The following YWHAQ variants were observed in gnomAD, a reference collection of about 807,000 sequenced individuals.
The protein encoded by YWHAQ is 14-3-3 protein theta.
Under a neutral mutation model 28.3 loss-of-function variants are expected in YWHAQ, and 6 were observed. The ratio of observed to expected loss-of-function variants is 0.21; its 90% CI spans 0.12 to 0.42. The LOEUF is 0.42. Ranked by LOEUF, YWHAQ falls within the 10% of genes least tolerant of loss-of-function variation. YWHAQ has a pLI of 1.00. For synonymous variants in YWHAQ, 143 were observed against 119.1 expected (o/e 1.20, Z -1.31); for missense variants, 201 against 305.6 (o/e 0.66, Z 2.55).
rs1027292482 is a variant in YWHAQ, at chr2:9,585,399, TAAG to T, written c.679-57_679-55del. 15 of 1,576,662 alleles carry T rather than the reference TAAG, an allele frequency of 9.5e-6. No individual in the cohort carries two copies. The African/African-American group carries it at 1.8e-4, about 18-fold the overall frequency. Reference sequence around the variant, plus strand: ...CTATTTCTAGATTAGGCAATTACACTAAGTAGTATTGTTATATCAAAATTAACT... The same window carrying T: ...CTATTTCTAGATTAGGCAATTACACTTAGTATTGTTATATCAAAATTAACT... On this transcript the variant is annotated intron_variant, in intron 5 of 5. Coordinates refer to ENST00000238081, the MANE Select transcript of YWHAQ (RefSeq NM_006826.4).
At chr2:9,597,634 CAAAAAAA>C (rs562319001) in intron 2 of YWHAQ, among the ~76,000 whole-genome samples, 15 of 75,318 alleles carry the variant, frequency 2.0e-4, no homozygotes, top group East Asian at 5.4e-4. Flanking sequence ...AACTCCGTCT[CAAAAAAA>C]AAAAAAAAAA....
intron 2 of YWHAQ, among the ~76,000 whole-genome samples, chr2:9,606,945 C>T (rs1384986793): frequency 1.3e-5 from 2 of 149,476 alleles, no homozygotes; most frequent in African/African-American, 5.0e-5. Context: ...AGTGCAGTAG[C>T]ATAATCTTGG....
intron 2 of YWHAQ, among the ~76,000 whole-genome samples, chr2:9,593,925 C>T (rs867532812): frequency 3.3e-3 from 414 of 126,402 alleles, no homozygotes; most frequent in African/African-American, 8.4e-3. Flanking sequence ...TATATATATA[C>T]ACACACACAC....
At chr2:9,620,031 G>A (rs931392019) in intron 2 of YWHAQ, among the ~76,000 whole-genome samples, 1 of 152,170 alleles carries the variant, frequency 6.6e-6, no homozygotes, top group African/African-American at 2.4e-5. Flanking sequence ...TGTCTAATCT[G>A]ATGATCCATA....
At chr2:9,585,413 A>G (rs958805932) in intron 5 of YWHAQ, 68 bp from the exon 6 acceptor site, 45 of 1,540,960 alleles carry the variant, frequency 2.9e-5, no homozygotes, top group Non-Finnish European at 2.7e-6. Flanking sequence ...TAGTATTGTT[A>G]TATCAAAATT....
rs759412655 is a variant in YWHAQ at position 9,591,474 on chromosome 2, T to C, written c.336A>G (p.Pro112=). 2 of 1,610,884 alleles carry C rather than the reference T, an allele frequency of 1.2e-6. No homozygotes were observed. Among genetic ancestry groups the C allele is most frequent in the Non-Finnish European group, 1.7e-6 (2 of 1,177,686 alleles). Residue 112 remains proline, a synonymous_variant, in exon 3 of 6, where the codon CCA becomes CCG. Coordinates refer to ENST00000238081, the MANE Select transcript of YWHAQ (RefSeq NM_006826.4). The part of the protein sequence containing the change: ...DKYLIANATN[P]ESKVFYLKMK... ...TTTTCAGATAGAAGACCTTACTCTC[T>C]GGATTAGTTGCATTGGCTATTAAAT...
chr2:9,615,151 C>G (rs553857372), intron 2 of YWHAQ: 1 of 152,132 alleles, frequency 6.6e-6, no homozygotes, highest in African/African-American at 2.4e-5. Flanking sequence ...ACTTAGGAAA[C>G]CGGTAAACTC....
chr2:9,599,160 A>T (rs1192903889), intron 2 of YWHAQ, among the ~76,000 whole-genome samples: 1 of 152,236 alleles, frequency 6.6e-6, no homozygotes, highest in African/African-American at 2.4e-5. Flanking sequence ...CAAGGCCTTA[A>T]TTCTCTTCAA....
chr2:9,607,938 C>T (rs1047875583), intron 2 of YWHAQ, among the ~76,000 whole-genome samples: 1 of 151,904 alleles, frequency 6.6e-6, no homozygotes, highest in Admixed American at 6.6e-5. Context: ...GTCTCGAACT[C>T]CTGACGTAAT....
At chr2:9,601,798 A>G (rs553547474) in intron 2 of YWHAQ, among the ~76,000 whole-genome samples, 1 of 152,098 alleles carries the variant, frequency 6.6e-6, no homozygotes, top group African/African-American at 2.4e-5. Flanking sequence ...GGTACTCACC[A>G]CCTTGCTCGG....
At chr2:9,590,284 C>T (rs1666430811) in intron 3 of YWHAQ, among the ~76,000 whole-genome samples, 1 of 152,104 alleles carries the variant, frequency 6.6e-6, no homozygotes, top group Non-Finnish European at 1.5e-5. Context: ...TTCTGCTTAC[C>T]TTCATGGCAA....
At chr2:9,629,747 A>T (rs1040793290) in intron 2 of YWHAQ, among the ~76,000 whole-genome samples, 3 of 152,194 alleles carry the variant, frequency 2.0e-5, no homozygotes, top group Admixed American at 6.5e-5. Flanking sequence ...AAAAATCCCT[A>T]CTACATTGTC....
intron 2 of YWHAQ, among the ~76,000 whole-genome samples, chr2:9,623,579 A>C (rs1018893618): frequency 2.0e-5 from 3 of 152,026 alleles, no homozygotes; most frequent in African/African-American, 7.3e-5. Flanking sequence ...TTTGAGACCA[A>C]CCTGACCAAC....
In YWHAQ at chr2:9,630,591, G is replaced by GA; in HGVS notation, c.-82-58dup. ...AAAAAGCAGAGAGGGAGCGCCGTCA[G>GA]ACAATGCGGCCCGCCGCCCGCTTTT... is the stretch of plus-strand genomic sequence containing the variant. On this transcript the variant is annotated intron_variant, in intron 1 of 5. Coordinates refer to ENST00000238081, the MANE Select transcript of YWHAQ (RefSeq NM_006826.4). This position sits in a 1 kb window ranked among gnomAD's most constrained non-coding sequence, Gnocchi z 5.6. The GA allele has an allele frequency of 1.2e-6, 1 of 812,858 alleles. No individual in the cohort carries two copies. The highest frequency in any genetic ancestry group is 1.8e-6 in the Non-Finnish European group (1 of 548,268). The allele number at this position is 812,858 out of a possible 1,614,324, so 50.4% of individuals were successfully genotyped here.
intron 2 of YWHAQ, among the ~76,000 whole-genome samples, chr2:9,597,634 CAAAAAAAA>C (rs562319001): frequency 1.5e-4 from 11 of 75,318 alleles, no homozygotes; most frequent in Non-Finnish European, 1.9e-4. Flanking sequence ...AACTCCGTCT[CAAAAAAAA>C]AAAAAAAAAA....
At chr2:9,587,230 CT>C (rs1370682964) in intron 5 of YWHAQ, among the ~76,000 whole-genome samples, 183 bp downstream of exon 5, 1 of 152,154 alleles carries the variant, frequency 6.6e-6, no homozygotes, top group Non-Finnish European at 1.5e-5. Flanking sequence ...TCAGGAAGGT[CT>C]GATAAAATGC....
chr2:9,597,414 G>A (rs1419169429), intron 2 of YWHAQ, among the ~76,000 whole-genome samples: 8 of 152,234 alleles, frequency 5.3e-5, no homozygotes, highest in East Asian at 3.9e-4. Flanking sequence ...TTGGGAGGCC[G>A]GGGTGGGCGG....
At chr2:9,593,753 C>G (rs1026038338) in intron 2 of YWHAQ, among the ~76,000 whole-genome samples, 1 of 151,536 alleles carries the variant, frequency 6.6e-6, no homozygotes, top group Non-Finnish European at 1.5e-5. Flanking sequence ...GCTTAAACCC[C>G]GGGGGTGGAG....
intron 2 of YWHAQ, among the ~76,000 whole-genome samples, chr2:9,629,280 A>C (rs1050405751): frequency 2.6e-5 from 4 of 152,240 alleles, no homozygotes; most frequent in Non-Finnish European, 4.4e-5. Context: ...GGCAGCACTG[A>C]AACATTTAAA....
Sources: allele counts gnomAD v4.1 joint callset (sites outside exome capture counted in the v4.1 genomes callset), GRCh38; gene constraint gnomAD v4.1.1; non-coding constraint Gnocchi (gnomAD v3.1); transcripts MANE v1.5; gene names NCBI Gene and HGNC (gene_info 2026-07-23, HGNC 2026-07-21).